MYO5C: variants seen among roughly 807,000 people sequenced by gnomAD.
MYO5C encodes unconventional myosin-Vc.
Under a neutral mutation model 235.7 loss-of-function variants are expected in MYO5C, and 194 were observed. That is an observed-to-expected ratio of 0.82 (90% CI 0.73 to 0.93). The LOEUF is 0.93. Among genes scored for constraint, MYO5C ranks in the 40% least tolerant of loss-of-function variants. The probability of loss-of-function intolerance (pLI) is 0.00; values close to 1 mark genes in which losing one functional copy is unlikely to be tolerated. For missense variants in MYO5C, 2,038 were observed against 2,127.2 expected (o/e 0.96, Z 0.82); for synonymous variants, 707 against 754.8 (o/e 0.94, Z 1.04).
At chr15:52,249,986 G>A (rs755495705) in intron 13 of MYO5C, among the ~76,000 whole-genome samples, 41 of 152,310 alleles carry the variant, frequency 2.7e-4, no homozygotes, top group Non-Finnish European at 5.3e-4. Context: ...GAGACTTCTT[G>A]GAAGTGGCAG....
At chr15:52,227,268 C>T (rs1274944486) in intron 25 of MYO5C, among the ~76,000 whole-genome samples, 1 of 143,676 alleles carries the variant, frequency 7.0e-6, no homozygotes, top group African/African-American at 2.6e-5. Context: ...AATCTCGGCT[C>T]ACTGCAACCT....
At chr15:52,194,429 C>T (rs2035001084) in intron 40 of MYO5C, among the ~76,000 whole-genome samples, 1 of 152,114 alleles carries the variant, frequency 6.6e-6, no homozygotes, top group South Asian at 2.1e-4. Flanking sequence ...GGTTTGCAAC[C>T]TTTTTGGTCT....
In MYO5C at chr15:52,247,456, A is replaced by C; in HGVS notation, c.1881+2T>G. On this transcript the variant is annotated splice_donor_variant, in intron 15 of 40. Coordinates refer to ENST00000261839, the MANE Select transcript of MYO5C (RefSeq NM_018728.4). LOFTEE classifies it high-confidence loss of function. ...CCTCACTCTCAAACACCTTCTCAGT[A>C]CCTTGCTCCCAACTGTGGTCCGGAA... 1.2e-6 allele frequency: 2 copies of C among 1,614,000 alleles called. No homozygotes were observed. The highest frequency in any genetic ancestry group is 2.2e-5 in the South Asian group (2 of 91,054).
chr15:52,277,223 C>T (rs764504185), intron 4 of MYO5C: 6 of 530,506 alleles, frequency 1.1e-5, no homozygotes, highest in African/African-American at 1.9e-5. Context: ...AAGGCCAACA[C>T]GAGCCTGCTT....
intron 12 of MYO5C, among the ~76,000 whole-genome samples, chr15:52,253,089 G>T (rs1426008021): frequency 6.6e-6 from 1 of 152,212 alleles, no homozygotes; most frequent in Non-Finnish European, 1.5e-5. Context: ...TGGAAGTCAG[G>T]TAAAAGAGGT....
At position 52,223,667 on chromosome 15, in the gene MYO5C, AG is replaced by A; in HGVS notation, c.3503del (p.Ala1168ValfsTer2). On this transcript the variant is annotated frameshift_variant, in exon 29 of 41. Coordinates refer to ENST00000261839, the MANE Select transcript of MYO5C (RefSeq NM_018728.4). LOFTEE classifies it high-confidence loss of function. ...TGAGATGCACCACTTTGAAGTTCAA[AG>A]CTTCAATCTCCTTTTCATAGCAATC... The part of the protein sequence containing the change: ...QKDCYEKEIE[A>X]LNFKVVHLSQ... 3 of 1,614,190 alleles carry A rather than the reference AG, an allele frequency of 1.9e-6. No homozygotes were observed. Among genetic ancestry groups the A allele is most frequent in the Non-Finnish European group, 1.7e-6 (2 of 1,180,034 alleles).
chr15:52,283,667 T>C (rs1285788815), intron 1 of MYO5C, among the ~76,000 whole-genome samples: 1 of 152,076 alleles, frequency 6.6e-6, no homozygotes, highest in Non-Finnish European at 1.5e-5. Context: ...GGTAAGGCGC[T>C]GACCCAATAG....
chr15:52,295,705 C>T lies in MYO5C; in HGVS notation c.-69G>A. On this transcript the variant is annotated 5_prime_UTR_variant, in exon 1 of 41. Transcript: ENST00000261839. ...AGGCTCGGGGGCTGGGCCTGCGCCG[C>T]AGAGGCCGGGCGCAGGAGAGACCGC... 1 of 1,169,332 alleles carries T rather than the reference C, an allele frequency of 8.6e-7. No homozygotes were observed. The highest frequency in any genetic ancestry group is 1.1e-6 in the Non-Finnish European group (1 of 889,652). 72.4% of individuals were successfully genotyped at this position (1,169,332 alleles called of 1,614,324 possible).
At chr15:52,246,727 G>C (rs977337603) in intron 16 of MYO5C, among the ~76,000 whole-genome samples, 190 bp downstream of exon 16, 3 of 152,078 alleles carry the variant, frequency 2.0e-5, no homozygotes, top group Admixed American at 2.0e-4. Context: ...CTTTTGCTTA[G>C]CCCTGGAGAT....
At chr15:52,294,527 ATAAC>A (rs1014920126) in intron 1 of MYO5C, among the ~76,000 whole-genome samples, 3 of 152,234 alleles carry the variant, frequency 2.0e-5, no homozygotes, top group African/African-American at 7.2e-5. Flanking sequence ...GATTTTTTAA[ATAAC>A]TATCTTTTCT....
intron 1 of MYO5C, among the ~76,000 whole-genome samples, chr15:52,294,920 C>G (rs1334370789): frequency 6.6e-6 from 1 of 152,194 alleles, no homozygotes; most frequent in African/African-American, 2.4e-5. Flanking sequence ...GCTAACAGTA[C>G]AGATGTTAGG....
chr15:52,279,409 A>C lies in MYO5C; in HGVS notation c.304+100T>G, dbSNP rs974999362. 22 of 1,253,106 alleles carry C rather than the reference A, an allele frequency of 1.8e-5. No individual in the cohort carries two copies. The African/African-American group carries it at 3.0e-4, about 17-fold the overall frequency. 77.6% of individuals were successfully genotyped at this position (1,253,106 alleles called of 1,614,324 possible). On this transcript the variant is annotated intron_variant, in intron 3 of 40. Transcript: ENST00000261839. ...ACCCAGACACTTCTTTTTACAACAA[A>C]CTCTGGGTGCTCAGTATAAACATAA...
chr15:52,196,689 GA>G (rs2141254889), intron 38 of MYO5C, among the ~76,000 whole-genome samples: 1 of 152,278 alleles, frequency 6.6e-6, no homozygotes, highest in South Asian at 2.1e-4. Flanking sequence ...TGAGGGGCCG[GA>G]ACAGCTACAG....
intron 19 of MYO5C, 116 bp downstream of exon 19, chr15:52,244,240 G>T: frequency 1.0e-6 from 1 of 985,482 alleles, no homozygotes; most frequent in Non-Finnish European, 1.5e-6. Context: ...ACCCATGCAC[G>T]TCTGCACCCT....
chr15:52,237,633 T>G lies in MYO5C; in HGVS notation c.2717A>C (p.His906Pro), dbSNP rs369781779. The change falls in exon 22 of 41, where the codon CAT (histidine) becomes CCT (proline). Residue 906 changes from histidine (H) to proline (P), a missense_variant. Transcript: ENST00000261839. ...KKLEDQNKEN[H>P]GLVEKLTSLA... ...GCTAGTCAGCTTCTCCACCAGCCCA[T>G]GGTTTTCTTTGTTCTAGAGAAAAGA... 4.3e-6 allele frequency: 7 copies of G among 1,612,126 alleles called. No individual in the cohort carries two copies. Among genetic ancestry groups the G allele is most frequent in the Admixed American group, 1.7e-5 (1 of 59,608 alleles).
intron 34 of MYO5C, 56 bp downstream of exon 34, chr15:52,213,132 C>G: frequency 7.4e-7 from 1 of 1,348,934 alleles, no homozygotes; most frequent in Non-Finnish European, 1.1e-6. Context: ...TTGGCACTGA[C>G]TGATATGCAA....
intron 8 of MYO5C, 91 bp from the exon 9 acceptor site, chr15:52,264,387 G>A: frequency 1.0e-6 from 1 of 1,001,970 alleles, no homozygotes; most frequent in Non-Finnish European, 1.5e-6. Context: ...TATGCAGGTA[G>A]CATCAGTGCC....
chr15:52,289,647 C>T (rs957434814), intron 1 of MYO5C, among the ~76,000 whole-genome samples: 6 of 151,934 alleles, frequency 3.9e-5, no homozygotes, highest in Non-Finnish European at 7.4e-5. Context: ...GGTGCAGCAG[C>T]CCCCGGAGGC....
chr15:52,218,425 T>C, intron 32 of MYO5C, 94 bp downstream of exon 32: 1 of 1,218,370 alleles, frequency 8.2e-7, no homozygotes, highest in Non-Finnish European at 1.2e-6. Flanking sequence ...TTTTGGTCTA[T>C]AGATGTTAAT....
Sources: gnomAD v4.1 joint callset for allele counts (sites outside exome capture counted in the v4.1 genomes callset) on GRCh38, gnomAD v4.1.1 for gene constraint, MANE v1.5 for transcripts, NCBI Gene and HGNC (gene_info 2026-07-23, HGNC 2026-07-21) for gene names.